Variants in ERBB3 observed in about 807,000 individuals in gnomAD.
ERBB3 encodes receptor tyrosine-protein kinase erbB-3.
In ERBB3, 96 loss-of-function variants were observed where a neutral mutation model predicts 156.7. The ratio of observed to expected loss-of-function variants is 0.61; its 90% CI spans 0.52 to 0.73. The LOEUF is 0.73. ERBB3 is among the 30% of genes least tolerant of loss of function. The pLI, the probability that ERBB3 is intolerant of heterozygous loss-of-function variation, is 0.00. For synonymous variants in ERBB3, 567 were observed against 632.0 expected, an observed-to-expected ratio of 0.90 and a Z score of 1.54; for missense variants, 1,406 against 1,709.4, an observed-to-expected ratio of 0.82 and a Z score of 3.13.
rs781395095 is a variant in ERBB3, at chr12:56,094,431, T to C, written c.1734T>C (p.His578=). ...SGSDTCAQCA[H]FRDGPHCVSS... is the part of the protein sequence containing the mutation. ...CTGATACTTGTGCTCAATGTGCCCA[T>C]TTTCGAGATGGGCCCCACTGTGTGA... The change falls in exon 15 of 28, where the codon CAT becomes CAC. Residue 578 remains histidine (H), a synonymous_variant. Coordinates refer to ENST00000267101, the MANE Select transcript of ERBB3 (RefSeq NM_001982.4). 3 of 1,614,116 alleles carry C rather than the reference T, an allele frequency of 1.9e-6. No individual in the cohort carries two copies. The African/African-American group carries it at 4.0e-5, about 22-fold the overall frequency.
chr12:56,092,116 G>A (rs1000186509), intron 9 of ERBB3, among the ~76,000 whole-genome samples: 2 of 150,232 alleles, frequency 1.3e-5, no homozygotes, highest in Non-Finnish European at 3.0e-5. Context: ...AAGGCCAGGT[G>A]CAGTGGCTCA....
intron 15 of ERBB3, among the ~76,000 whole-genome samples, 162 bp downstream of exon 15, chr12:56,094,718 G>A (rs997978114): frequency 1.5e-4 from 23 of 152,038 alleles, no homozygotes; most frequent in African/African-American, 4.3e-4. Context: ...GTGGGAGGCC[G>A]AGGTGGGTGG....
At chr12:56,089,925 A>AT (rs1868616539) in intron 9 of ERBB3, among the ~76,000 whole-genome samples, 2 of 81,214 alleles carry the variant, frequency 2.5e-5, no homozygotes, top group African/African-American at 9.9e-5. Flanking sequence ...TTTTCCTTTA[A>AT]TTTTTTATTT....
Position 56,101,372 on chromosome 12 carries a change from CT to C in ERBB3, c.3502+13del, listed in dbSNP as rs1218133369. The C allele has an allele frequency of 6.2e-7, 1 of 1,613,800 alleles. No individual in the cohort carries two copies. ...ATACACACCTCAAAGGTGCCTGACT[CT>C]TCCTAGGGCTTTCCTCAATTTTTCC... On this transcript the variant is annotated intron_variant, in intron 27 of 27. Coordinates refer to ENST00000267101, the MANE Select transcript of ERBB3 (RefSeq NM_001982.4).
At chr12:56,098,411 C>CA (rs375692480) in intron 21 of ERBB3, 89 bp from the exon 22 acceptor site, 59,933 of 791,198 alleles carry the variant, frequency 0.076, no homozygotes, top group Middle Eastern at 0.083. Flanking sequence ...GACTCCGTCT[C>CA]AAAAAAAAAA....
chr12:56,097,052 T>C lies in ERBB3; in HGVS notation c.2282T>C (p.Leu761Pro), dbSNP rs764788295. The change falls in exon 20 of 28, where the codon CTG becomes CCG. Residue 761 changes from leucine (L) to proline (P), a missense_variant. This residue lies in a region of ERBB3 where 979 missense variants were observed against 1,219.6 expected (regional missense o/e 0.80). Coordinates refer to ENST00000267101, the MANE Select transcript of ERBB3 (RefSeq NM_001982.4). ...QSFQAVTDHM[L>P]AIGSLDHAHI... ...ACCTTTTGTGTCTCTTAGCATATGC[T>C]GGCCATTGGCAGCCTGGACCATGCC... The C allele has an allele frequency of 2.5e-6, 4 of 1,614,042 alleles. No homozygotes were observed. The African/African-American group carries it at 5.3e-5, about 22-fold the overall frequency.
intron 15 of ERBB3, 150 bp from the exon 16 acceptor site, chr12:56,095,107 C>G: frequency 1.4e-6 from 1 of 701,264 alleles, no homozygotes; most frequent in South Asian, 1.5e-5. Context: ...AGCTAGTGAG[C>G]TGGAGGTGGA....
In ERBB3 at chr12:56,102,163, C is replaced by T; in HGVS notation, c.*108C>T. On this transcript the variant is annotated 3_prime_UTR_variant, in exon 28 of 28. Transcript: ENST00000267101. ...TCTCCCAGGTCCCAGCCCCTTTTCCCCAGTCCCAGACAATTCCATTCAATC... is the reference window on the plus strand; with the variant it reads ...TCTCCCAGGTCCCAGCCCCTTTTCCTCAGTCCCAGACAATTCCATTCAATC... 1 of 1,014,182 alleles carries T rather than the reference C, an allele frequency of 9.9e-7. No individual in the cohort carries two copies. Among genetic ancestry groups the T allele is most frequent in the South Asian group, 1.3e-5 (1 of 78,060 alleles). The allele number at this position is 1,014,182 out of a possible 1,614,324, so 62.8% of individuals were successfully genotyped here.
rs1869114014 is a variant in ERBB3 at position 56,101,734 on chromosome 12, C to T, written c.3708C>T (p.Gly1236=). 2 of 1,613,756 alleles carry T rather than the reference C, an allele frequency of 1.2e-6. No homozygotes were observed. The highest frequency in any genetic ancestry group is 2.7e-5 in the African/African-American group (2 of 74,784). The change falls in exon 28 of 28, where the codon GGC becomes GGT. Residue 1236 remains glycine, a synonymous_variant. Transcript: ENST00000267101. ...GGTCAGACCTCAGTGCCTCTCTGGG[C>T]AGCACACAGAGTTGCCCACTCCACC... ...DVGSDLSASL[G]STQSCPLHPV...
At position 56,103,103 on chromosome 12, in the gene ERBB3, C is replaced by A; in HGVS notation, c.*1048C>A. ...AGAAAAACTGATTTAAGTTACAGCC[C>A]TTGTTTAAGGGGCACTGTTTCTTGT... On this transcript the variant is annotated 3_prime_UTR_variant, in exon 28 of 28. Transcript: ENST00000267101. 4.3e-6 allele frequency: 1 copy of A among 230,932 alleles called. No individual in the cohort carries two copies. 14.3% of individuals were successfully genotyped at this position (230,932 alleles called of 1,614,324 possible). A position where few individuals can be genotyped will look rare whatever the true frequency, so the allele number is the denominator to read the frequency against.
rs1286367261 is a variant in ERBB3 at position 56,097,915 on chromosome 12, A to T, written c.2591A>T (p.Lys864Met). Residue 864 changes from lysine (K) to methionine (M), a missense_variant, in exon 21 of 28, where the codon AAG becomes ATG. Around this residue, in one of 3 missense-constraint regions of ERBB3, gnomAD observed 979 missense variants for 1,219.6 expected, o/e 0.80. Transcript: ENST00000267101. ...GVADLLPPDD[K>M]QLLYSEAKTP... ...GCTGACCTGCTGCCTCCTGATGATA[A>T]GCAGCTGCTATACAGTGAGGCCAAG... The T allele has an allele frequency of 6.2e-7, 1 of 1,613,598 alleles. No homozygotes were observed.
intron 14 of ERBB3, 101 bp downstream of exon 14, chr12:56,094,290 T>C (rs1329136174): frequency 6.8e-7 from 1 of 1,469,304 alleles, no homozygotes. Context: ...AGAGGCCAGA[T>C]AATGCTAGGG....
intron 22 of ERBB3, 72 bp downstream of exon 22, chr12:56,098,647 T>C: frequency 6.3e-7 from 1 of 1,576,228 alleles, no homozygotes; most frequent in Non-Finnish European, 8.7e-7. Context: ...GACCCCCTCT[T>C]AGAATCTCTA....
chr12:56,102,806 TAAA>T lies in ERBB3; in HGVS notation c.*777_*779del, dbSNP rs4016497. On this transcript the variant is annotated 3_prime_UTR_variant, in exon 28 of 28. Coordinates refer to ENST00000267101, the MANE Select transcript of ERBB3 (RefSeq NM_001982.4). ...CAACATAGTAAGACCCCCATCTCTT[TAAA>T]AAAAAAAAAAAAAAAAAAAAAAAAA... is the stretch of plus-strand genomic sequence containing the variant. 1.6e-3 allele frequency: 92 copies of T among 56,140 alleles called. No homozygotes were observed. In the East Asian group the frequency reaches 0.019, roughly 11 times the overall value. The allele number at this position is 56,140 out of a possible 1,614,324, so 3.5% of individuals were successfully genotyped here.
At position 56,093,526 on chromosome 12, in the gene ERBB3, C is replaced by A. The variant is rs2136810134; in HGVS notation, c.1456C>A (p.His486Asn). 1.9e-6 allele frequency: 3 copies of A among 1,612,750 alleles called. No individual in the cohort carries two copies. The highest frequency in any genetic ancestry group is 2.5e-6 in the Non-Finnish European group (3 of 1,179,832). The change falls in exon 12 of 28, where the codon CAT (histidine) becomes AAT (asparagine). Residue 486 changes from histidine (H) to asparagine (N), a missense_variant. His to Asn is a moderately conservative substitution (Grantham distance 68). Coordinates refer to ENST00000267101, the MANE Select transcript of ERBB3 (RefSeq NM_001982.4). ...TACGGAAGAGCGACTAGACATCAAG[C>A]ATAATCGGCCGCGCAGAGACTGCGG... is the stretch of plus-strand genomic sequence containing the variant. ...GPTEERLDIK[H>N]NRPRRDCVAE... is the part of the protein sequence containing the mutation.
At chr12:56,091,286 ATATATATATAAATAAT>A (rs1251744788) in intron 9 of ERBB3, among the ~76,000 whole-genome samples, 1 of 61,676 alleles carries the variant, frequency 1.6e-5, no homozygotes, top group Admixed American at 2.1e-4. Context: ...ATATATATAT[ATATATATATAAATAAT>A]ATATATAAAT....
chr12:56,099,798 T>C (rs768081701), intron 24 of ERBB3, 40 bp from the exon 25 acceptor site: 8 of 1,612,958 alleles, frequency 5.0e-6, no homozygotes, highest in Non-Finnish European at 6.8e-6. Flanking sequence ...AGGAGTTGGC[T>C]GGAACCAGGA....
intron 18 of ERBB3, 51 bp downstream of exon 18, chr12:56,096,673 A>AT (rs1237769794): frequency 6.2e-7 from 1 of 1,613,952 alleles, no homozygotes; most frequent in Admixed American, 1.7e-5. Context: ...TCTAGGGCAA[A>AT]GGGGTGAAAG....
chr12:56,100,045 A>G lies in ERBB3; in HGVS notation c.3129+16A>G. On this transcript the variant is annotated intron_variant, in intron 25 of 27. Transcript: ENST00000267101. Reference sequence around the variant, plus strand: ...GCCACGTGGGGTAAGACAACTTCTAATTACCCAACACTTTGCACCCTGAGC... The same window carrying G: ...GCCACGTGGGGTAAGACAACTTCTAGTTACCCAACACTTTGCACCCTGAGC... 4 of 1,612,328 alleles carry G rather than the reference A, an allele frequency of 2.5e-6. No individual in the cohort carries two copies. The highest frequency in any genetic ancestry group is 3.4e-6 in the Non-Finnish European group (4 of 1,178,292).
Sources: gnomAD v4.1 joint callset for allele counts (sites outside exome capture counted in the v4.1 genomes callset) on GRCh38, gnomAD v4.1.1 for gene constraint, gnomAD v4.1.1 regional missense constraint, MANE v1.5 for transcripts, NCBI Gene and HGNC (gene_info 2026-07-23, HGNC 2026-07-21) for gene names.